DYNC2LI1: variants seen among roughly 807,000 people sequenced by gnomAD.
DYNC2LI1 encodes dynein cytoplasmic 2 light intermediate chain 1.
DYNC2LI1 carries 45 observed loss-of-function variants against 51.9 expected under a neutral mutation model. The ratio of observed to expected loss-of-function variants is 0.87; its 90% CI spans 0.68 to 1.11. The LOEUF is 1.11. Ranked by LOEUF, DYNC2LI1 falls within the 50% of genes most tolerant of loss-of-function variation. The probability of loss-of-function intolerance (pLI) is 0.00; values close to 1 mark genes in which losing one functional copy is unlikely to be tolerated. For missense variants in DYNC2LI1, 490 were observed against 417.4 expected (o/e 1.17, Z -1.51); for synonymous variants, 130 against 137.8 (o/e 0.94, Z 0.40).
intron 12 of DYNC2LI1, among the ~76,000 whole-genome samples, chr2:43,808,964 TACACACACAC>T (rs56090427): frequency 7.6e-4 from 111 of 145,574 alleles, no homozygotes; most frequent in African/African-American, 2.3e-3. Context: ...GGACAAAGGA[TACACACACAC>T]ACACACACAC....
chr2:43,800,847 A>G lies in DYNC2LI1; in HGVS notation c.661A>G (p.Ser221Gly). 1 of 1,587,418 alleles carries G rather than the reference A, an allele frequency of 6.3e-7. No homozygotes were observed. Among genetic ancestry groups the G allele is most frequent in the Non-Finnish European group, 8.6e-7 (1 of 1,163,850 alleles). ...HYYGASLMFTSKSEALLLKIR... is the reference protein window; with the variant it reads ...HYYGASLMFTGKSEALLLKIR... ...TCTCCTGATTTGTTTAAAGTTTACC[A>G]GTAAATCAGAAGCTCTATTACTAAA... The change falls in exon 9 of 13, where the codon AGT (serine) becomes GGT (glycine). Residue 221 changes from serine to glycine, a missense_variant. Physicochemically the swap from Ser to Gly is moderately conservative, Grantham distance 56 (BLOSUM62 0). Coordinates refer to ENST00000260605, the MANE Select transcript of DYNC2LI1 (RefSeq NM_016008.4).
At chr2:43,818,055 T>C in the DYNC2LI1 span, among the ~76,000 whole-genome samples, 2 of 152,234 alleles carry the variant, frequency 1.3e-5, no homozygotes, top group Admixed American at 1.3e-4. Flanking sequence ...GCCTATTTTA[T>C]AATAAATTGT....
At chr2:43,824,904 G>T in the DYNC2LI1 span, 2 of 1,613,964 alleles carry the variant, frequency 1.2e-6, no homozygotes, top group Non-Finnish European at 1.7e-6. Flanking sequence ...AAGTCAAAAG[G>T]GTTTGAATGT....
At position 43,774,086 on chromosome 2, in the gene DYNC2LI1, A is replaced by G. The variant is rs1362975017; in HGVS notation, c.-53A>G. Reference sequence around the variant, plus strand: ...CTTGCGGAGCTCGCCGCCTGATTCTAGGCTGGTCACTACTCCGAGCCTGTG... The same window carrying G: ...CTTGCGGAGCTCGCCGCCTGATTCTGGGCTGGTCACTACTCCGAGCCTGTG... On this transcript the variant is annotated 5_prime_UTR_variant, in exon 1 of 13. Coordinates refer to ENST00000260605, the MANE Select transcript of DYNC2LI1 (RefSeq NM_016008.4). The G allele has an allele frequency of 2.5e-6, 4 of 1,611,698 alleles. No homozygotes were observed. Among genetic ancestry groups the G allele is most frequent in the East Asian group, 2.2e-5 (1 of 44,770 alleles).
intron 8 of DYNC2LI1, among the ~76,000 whole-genome samples, chr2:43,797,309 C>A (rs1241544787): frequency 1.3e-5 from 2 of 152,008 alleles, no homozygotes. Flanking sequence ...GCCTCATTGT[C>A]CTCCAGGGTA....
chr2:43,785,300 A>G (rs1435157848), intron 3 of DYNC2LI1, among the ~76,000 whole-genome samples: 1 of 152,194 alleles, frequency 6.6e-6, no homozygotes, highest in Non-Finnish European at 1.5e-5. Context: ...CCCTGTCTCA[A>G]TAAAATAAAA....
the DYNC2LI1 span, chr2:43,825,077 T>C: frequency 3.9e-5 from 63 of 1,598,206 alleles, no homozygotes; most frequent in East Asian, 1.3e-3. Context: ...GCACTTTGAA[T>C]GTCTCTGGGA....
At chr2:43,807,271 C>T (rs2104722131) in intron 12 of DYNC2LI1, among the ~76,000 whole-genome samples, 1 of 152,170 alleles carries the variant, frequency 6.6e-6, no homozygotes, top group Middle Eastern at 3.4e-3. Context: ...TCGTGATTAG[C>T]CCTCTTTAAT....
intron 8 of DYNC2LI1, among the ~76,000 whole-genome samples, chr2:43,799,052 A>C (rs1665986651): frequency 6.6e-6 from 1 of 152,130 alleles, no homozygotes; most frequent in South Asian, 2.1e-4. Context: ...CTCTAATCTC[A>C]ACACTTGGAG....
intron 6 of DYNC2LI1, chr2:43,794,856 C>G: frequency 1.4e-6 from 2 of 1,431,796 alleles, no homozygotes; most frequent in Non-Finnish European, 1.8e-6. Flanking sequence ...TAGACATCTT[C>G]TGTGATTGTT....
intron 2 of DYNC2LI1, among the ~76,000 whole-genome samples, chr2:43,782,501 C>T (rs571072717): frequency 6.7e-6 from 1 of 148,904 alleles, no homozygotes; most frequent in South Asian, 2.1e-4. Flanking sequence ...TGGAGCTTGT[C>T]CTGCTGTTTC....
chr2:43,824,648 C>T, the DYNC2LI1 span: 3 of 985,080 alleles, frequency 3.0e-6, no homozygotes, highest in South Asian at 9.4e-5. Flanking sequence ...AGAAGCTCAG[C>T]TAATTATGCT....
chr2:43,822,918 C>G, the DYNC2LI1 span: 1 of 1,613,844 alleles, frequency 6.2e-7, no homozygotes, highest in African/African-American at 1.3e-5. Context: ...TGGTCGCTGA[C>G]AGCTCGCAGC....
chr2:43,811,907 A>G (rs1666498168), downstream of DYNC2LI1, among the ~76,000 whole-genome samples: 1 of 152,142 alleles, frequency 6.6e-6, no homozygotes, highest in South Asian at 2.1e-4. Flanking sequence ...ACCCATTTTT[A>G]ATAACCTATT....
chr2:43,824,523 A>C, the DYNC2LI1 span: 1 of 1,596,190 alleles, frequency 6.3e-7, no homozygotes, highest in Non-Finnish European at 8.5e-7. Flanking sequence ...ACTGGCCATA[A>C]TACCTCATCC....
intron 6 of DYNC2LI1, 93 bp downstream of exon 6, chr2:43,794,736 G>A: frequency 6.3e-7 from 1 of 1,599,752 alleles, no homozygotes. Flanking sequence ...TTTTATGCAT[G>A]ACTTGAAATT....
chr2:43,807,498 G>A (rs1666305445), intron 12 of DYNC2LI1, among the ~76,000 whole-genome samples: 1 of 151,876 alleles, frequency 6.6e-6, no homozygotes, highest in Non-Finnish European at 1.5e-5. Context: ...GGAGTGCAAT[G>A]GGGAGATCAT....
chr2:43,794,399 G>A (rs571417337), intron 5 of DYNC2LI1, 58 bp from the exon 6 acceptor site: 6 of 1,490,592 alleles, frequency 4.0e-6, no homozygotes, highest in Non-Finnish European at 3.6e-6. Context: ...CAGTACATTA[G>A]GATTTCAAAA....
the DYNC2LI1 span, chr2:43,824,716 G>A: frequency 6.5e-6 from 6 of 925,678 alleles, no homozygotes; most frequent in Non-Finnish European, 6.4e-6. Context: ...ACCTCATTCT[G>A]ATAGTCATCT....
Sources: allele counts gnomAD v4.1 joint callset (sites outside exome capture counted in the v4.1 genomes callset), GRCh38; gene constraint gnomAD v4.1.1; transcripts MANE v1.5; gene names NCBI Gene and HGNC (gene_info 2026-07-23, HGNC 2026-07-21).